LRP2: variants seen among roughly 807,000 people sequenced by gnomAD.
The protein encoded by LRP2 is LDL receptor related protein 2.
A neutral mutation model predicts 531.0 loss-of-function variants in LRP2; 172 were observed. That is an observed-to-expected ratio of 0.32 (90% CI 0.29 to 0.37). The LOEUF (loss-of-function observed/expected upper bound fraction) is 0.37, where lower values mean the gene tolerates loss of function less well. Ranked by LOEUF, LRP2 falls within the 10% of genes least tolerant of loss-of-function variation. The pLI, the probability that LRP2 is intolerant of heterozygous loss-of-function variation, is 1.00. For missense variants in LRP2, 5,167 were observed against 5,868.3 expected (o/e 0.88, Z 3.90); for synonymous variants, 1,992 against 2,027.6 (o/e 0.98, Z 0.47).
chr2:169,342,514 G>A (rs966373196), intron 1 of LRP2, among the ~76,000 whole-genome samples: 4 of 152,108 alleles, frequency 2.6e-5, no homozygotes, highest in Non-Finnish European at 5.9e-5. Context: ...GAAAATCTGA[G>A]CATTGTACTT....
intron 16 of LRP2, among the ~76,000 whole-genome samples, chr2:169,263,762 C>G (rs1457132741): frequency 1.3e-5 from 2 of 152,048 alleles, no homozygotes; most frequent in Non-Finnish European, 2.9e-5. Context: ...ACCCAGAGGA[C>G]TATAAATCAT....
intron 1 of LRP2, among the ~76,000 whole-genome samples, chr2:169,341,168 G>A (rs549485210): frequency 2.6e-5 from 4 of 152,232 alleles, no homozygotes; most frequent in Admixed American, 1.3e-4. Context: ...GGGAGGGGAC[G>A]CCTCACAGAG....
Position 169,174,158 on chromosome 2 carries a change from T to G in LRP2, c.10775A>C (p.His3592Pro). The G allele has an allele frequency of 1.2e-6, 2 of 1,614,222 alleles. No individual in the cohort carries two copies. Among genetic ancestry groups the G allele is most frequent in the Non-Finnish European group, 1.7e-6 (2 of 1,180,038 alleles). Residue 3592 changes from histidine to proline, a missense_variant, in exon 56 of 79, where the codon CAC becomes CCC. By Grantham distance (77) the His-to-Pro change is moderately conservative (BLOSUM62 -2). Around this residue, in one of 6 missense-constraint regions of LRP2, gnomAD observed 311 missense variants for 309.4 expected, o/e 1.01. Transcript: ENST00000649046. Reference sequence around the variant, plus strand: ...CTGCCATTCATTGGAGTCACAGTGGTGATTCTCTGAGAGCAGGGACATTTG... The same window carrying G: ...CTGCCATTCATTGGAGTCACAGTGGGGATTCTCTGAGAGCAGGGACATTTG... ...SDEDRLLCEN[H>P]HCDSNEWQCA...
intron 60 of LRP2, 69 bp from the exon 61 acceptor site, chr2:169,168,745 A>G (rs1001089076): frequency 1.3e-6 from 2 of 1,554,624 alleles, no homozygotes; most frequent in Non-Finnish European, 1.8e-6. Context: ...GCTTCCTGCT[A>G]TTTCTCCTTT....
At chr2:169,349,244 A>G (rs1685779516) in intron 1 of LRP2, among the ~76,000 whole-genome samples, 2 of 152,176 alleles carry the variant, frequency 1.3e-5, no homozygotes, top group African/African-American at 4.8e-5. Context: ...GTCGGGAAAG[A>G]ATCAGAGAAG....
rs1412316008 is a variant in LRP2, at chr2:169,312,298, T to C, written c.311-4901A>G. ...AGTTGATGCAGTTTCTTCCTAGCCT[T>C]GATGGTCTTTAGAATTTGGCATGTT... On this transcript the variant is annotated intron_variant, in intron 3 of 78. Transcript: ENST00000649046. Among the ~76,000 whole-genome samples, 41 of 152,050 alleles carry C rather than the reference T, an allele frequency of 2.7e-4. No homozygotes were observed. The East Asian group carries it at 7.4e-3, about 28-fold the overall frequency.
chr2:169,356,157 G>A (rs1685980965), intron 1 of LRP2, among the ~76,000 whole-genome samples: 1 of 152,194 alleles, frequency 6.6e-6, no homozygotes, highest in Non-Finnish European at 1.5e-5. Flanking sequence ...CTCCCAAAGT[G>A]CTGAGATTTA....
chr2:169,161,204 A>T (rs552528457), intron 63 of LRP2, among the ~76,000 whole-genome samples: 1 of 152,324 alleles, frequency 6.6e-6, no homozygotes, highest in South Asian at 2.1e-4. Flanking sequence ...TCTGCCTCTG[A>T]CATTCTGTGT....
intron 57 of LRP2, among the ~76,000 whole-genome samples, chr2:169,172,487 G>T (rs763878728): frequency 1.3e-5 from 2 of 152,200 alleles, no homozygotes; most frequent in African/African-American, 2.4e-5. Flanking sequence ...GTTCTTAAAA[G>T]AATTTAGTAT....
intron 63 of LRP2, 60 bp from the exon 64 acceptor site, chr2:169,157,562 G>A: frequency 1.9e-6 from 3 of 1,597,258 alleles, no homozygotes; most frequent in Non-Finnish European, 2.6e-6. Context: ...GTCAAGTGGT[G>A]TATCAAAAGA....
intron 1 of LRP2, among the ~76,000 whole-genome samples, chr2:169,338,291 A>AGG (rs1553515969): frequency 2.3e-4 from 33 of 144,104 alleles, no homozygotes; most frequent in Admixed American, 5.5e-4. Flanking sequence ...AAGAAAGAAA[A>AGG]AAGGAAGGAA....
At chr2:169,353,470 G>A (rs938389865) in intron 1 of LRP2, among the ~76,000 whole-genome samples, 31 of 152,144 alleles carry the variant, frequency 2.0e-4, no homozygotes, top group African/African-American at 6.5e-4. Flanking sequence ...ACTCACATAA[G>A]CCAAGAAATA....
At chr2:169,171,974 C>T in intron 58 of LRP2, 41 bp downstream of exon 58, 1 of 1,612,940 alleles carries the variant, frequency 6.2e-7, no homozygotes, top group African/African-American at 1.3e-5. Context: ...AACATCACAG[C>T]TCTGGTGGTA....
At chr2:169,275,830 T>C (rs1022724621) in intron 13 of LRP2, among the ~76,000 whole-genome samples, 2 of 151,912 alleles carry the variant, frequency 1.3e-5, no homozygotes. Flanking sequence ...ATACTTGTAA[T>C]GGAGGCCCAA....
rs573238704 is a variant in LRP2, at chr2:169,178,932, T to C, written c.10170-906A>G. Among the ~76,000 whole-genome samples the C allele has an allele frequency of 3.9e-5, 6 of 152,318 alleles. No homozygotes were observed. In the East Asian group the frequency reaches 9.6e-4, roughly 24 times the overall value. On this transcript the variant is annotated intron_variant, in intron 52 of 78. Transcript: ENST00000649046. ...TCATAGGAAAACTTGAAGATGTGCT[T>C]GGCCTTTGTTGATAAGGATGCAGGT... is the stretch of plus-strand genomic sequence containing the variant.
Position 169,188,077 on chromosome 2 carries a change from G to T in LRP2, c.9221C>A (p.Thr3074Lys). The change falls in exon 49 of 79, where the codon ACG becomes AAG. Residue 3074 changes from threonine (T) to lysine (K), a missense_variant. Coordinates refer to ENST00000649046, the MANE Select transcript of LRP2 (RefSeq NM_004525.3). ...ACACTTGAACTCGTGAGGTGGACAC[G>T]TGGGTTCTGGGGTGTGGCACAGGTG... Reference protein sequence around the residue: ...LMHLCHTPEPTCPPHEFKCDN... With the variant: ...LMHLCHTPEPKCPPHEFKCDN... 6.2e-7 allele frequency: 1 copy of T among 1,614,088 alleles called. No individual in the cohort carries two copies. Among genetic ancestry groups the T allele is most frequent in the Non-Finnish European group, 8.5e-7 (1 of 1,180,014 alleles).
chr2:169,355,042 A>G (rs830943), intron 1 of LRP2, among the ~76,000 whole-genome samples: 144,003 of 152,252 alleles, frequency 0.95, 68,281 homozygotes, highest in East Asian at 1. Flanking sequence ...ATACTGCACC[A>G]GACTTAAGGG....
intron 48 of LRP2, among the ~76,000 whole-genome samples, chr2:169,191,028 C>T (rs1489561048): frequency 1.3e-5 from 2 of 152,094 alleles, no homozygotes; most frequent in African/African-American, 4.8e-5. Context: ...TCCCCCAAAC[C>T]AGCAGGCTGT....
chr2:169,153,025 G>A, intron 66 of LRP2, 61 bp from the exon 67 acceptor site: 1 of 1,504,552 alleles, frequency 6.6e-7, no homozygotes, highest in Non-Finnish European at 9.2e-7. Context: ...GGAAGAACAG[G>A]GGTCTAATCA....
Sources: allele counts gnomAD v4.1 joint callset (sites outside exome capture counted in the v4.1 genomes callset), GRCh38; gene constraint gnomAD v4.1.1; regional missense constraint gnomAD v4.1.1; transcripts MANE v1.5; gene names NCBI Gene and HGNC (gene_info 2026-07-23, HGNC 2026-07-21).